The following RANBP2 variants were observed in gnomAD, a reference collection of about 807,000 sequenced individuals.
RANBP2 encodes the protein RAN binding protein 2.
A neutral mutation model predicts 303.6 loss-of-function variants in RANBP2; 57 were observed. The observed-to-expected ratio is 0.19, with a 90% CI of 0.15 to 0.23. The LOEUF is 0.23. Ranked by LOEUF, RANBP2 falls within the 10% of genes least tolerant of loss-of-function variation. The probability of loss-of-function intolerance (pLI) is 1.00; values close to 1 mark genes in which losing one functional copy is unlikely to be tolerated. For missense variants in RANBP2, 3,138 were observed against 3,780.8 expected, an observed-to-expected ratio of 0.83 and a Z score of 4.46; for synonymous variants, 1,167 against 1,301.5, an observed-to-expected ratio of 0.90 and a Z score of 2.23.
chr2:109,088,893 C>T, the RANBP2 span, among the ~76,000 whole-genome samples: 1 of 152,044 alleles, frequency 6.6e-6, no homozygotes, highest in Admixed American at 6.6e-5. Flanking sequence ...TGCCAGGTTC[C>T]AAGAGGATAT....
the RANBP2 span, among the ~76,000 whole-genome samples, chr2:109,157,377 G>A: frequency 4.9e-4 from 75 of 152,216 alleles, no homozygotes; most frequent in African/African-American, 1.6e-3. Context: ...AGACTCCCAC[G>A]TGCCATCCAT....
the RANBP2 span, among the ~76,000 whole-genome samples, chr2:109,115,176 G>A: frequency 2.6e-5 from 4 of 152,234 alleles, no homozygotes; most frequent in South Asian, 4.1e-4. Context: ...TTCAATTCCC[G>A]GGTATCCTTG....
the RANBP2 span, chr2:109,347,887 G>A: frequency 6.2e-7 from 1 of 1,612,508 alleles, no homozygotes; most frequent in South Asian, 1.1e-5. Flanking sequence ...CCAGGGAAAA[G>A]CACTTTATGA....
chr2:108,939,270 T>C, the RANBP2 span, among the ~76,000 whole-genome samples: 1 of 152,120 alleles, frequency 6.6e-6, no homozygotes, highest in African/African-American at 2.4e-5. Flanking sequence ...CTCCGCAACC[T>C]CCGCCTCCCA....
At chr2:109,219,534 C>T in the RANBP2 span, among the ~76,000 whole-genome samples, 12 of 152,040 alleles carry the variant, frequency 7.9e-5, no homozygotes, top group Middle Eastern at 3.4e-3. Flanking sequence ...GCAGATGATA[C>T]GATCTTATGC....
the RANBP2 span, among the ~76,000 whole-genome samples, chr2:108,908,426 A>G: frequency 6.6e-6 from 1 of 152,188 alleles, no homozygotes; most frequent in African/African-American, 2.4e-5. Context: ...ATGTTAAGCA[A>G]ACAGATTGAT....
chr2:109,369,942 G>C, the RANBP2 span, among the ~76,000 whole-genome samples: 1 of 152,336 alleles, frequency 6.6e-6, no homozygotes, highest in Admixed American at 6.5e-5. Context: ...GGCGGGTGGT[G>C]CACTCAGCTC....
chr2:109,301,261 T>C, the RANBP2 span, among the ~76,000 whole-genome samples: 1 of 151,464 alleles, frequency 6.6e-6, no homozygotes, highest in East Asian at 2.0e-4. Context: ...CTTTCTCCCG[T>C]GTGGCCACAC....
the RANBP2 span, chr2:108,923,353 G>A: frequency 6.2e-7 from 1 of 1,612,882 alleles, no homozygotes; most frequent in Non-Finnish European, 8.5e-7. Flanking sequence ...CTGGTGGAAG[G>A]ACAAAGACAC....
chr2:109,638,034 G>A, the RANBP2 span, among the ~76,000 whole-genome samples: 4 of 152,194 alleles, frequency 2.6e-5, no homozygotes, highest in African/African-American at 7.2e-5. Flanking sequence ...CTGTGATTGT[G>A]TAAGAGGATG....
At chr2:109,043,404 G>C in the RANBP2 span, among the ~76,000 whole-genome samples, 6 of 151,806 alleles carry the variant, frequency 4.0e-5, no homozygotes, top group African/African-American at 1.5e-4. Flanking sequence ...GTGCAGTGGC[G>C]CCATCTCAGC....
the RANBP2 span, among the ~76,000 whole-genome samples, chr2:109,257,237 A>G: frequency 2.6e-5 from 4 of 152,124 alleles, no homozygotes; most frequent in African/African-American, 4.8e-5. Flanking sequence ...AGGCAGCATC[A>G]AGTCATGTTG....
the RANBP2 span, among the ~76,000 whole-genome samples, chr2:109,666,736 A>G: frequency 6.6e-6 from 1 of 152,214 alleles, no homozygotes; most frequent in Non-Finnish European, 1.5e-5. Flanking sequence ...TTGACAGTCA[A>G]GATGAAAAGC....
At chr2:108,771,906 C>T in intron 21 of RANBP2, 35 bp downstream of exon 21, 1 of 1,612,700 alleles carries the variant, frequency 6.2e-7, no homozygotes, top group Non-Finnish European at 8.5e-7. Context: ...TCCTCTGTTC[C>T]CGCTAATCTT....
At chr2:108,914,128 C>T in the RANBP2 span, among the ~76,000 whole-genome samples, 4 of 151,550 alleles carry the variant, frequency 2.6e-5, no homozygotes, top group Admixed American at 6.6e-5. Context: ...GGCATGATGG[C>T]GCATGCCTGT....
the RANBP2 span, among the ~76,000 whole-genome samples, chr2:109,288,640 A>C: frequency 6.6e-6 from 1 of 152,192 alleles, no homozygotes; most frequent in East Asian, 1.9e-4. Context: ...ATTGTCACCC[A>C]AGGAGACTGA....
the RANBP2 span, among the ~76,000 whole-genome samples, chr2:109,066,259 C>T: frequency 2.0e-4 from 30 of 152,234 alleles, no homozygotes; most frequent in Non-Finnish European, 3.7e-4. Context: ...CAGGTGTTTG[C>T]CACCACACCT....
the RANBP2 span, among the ~76,000 whole-genome samples, chr2:108,887,903 C>T: frequency 6.6e-6 from 1 of 152,104 alleles, no homozygotes; most frequent in African/African-American, 2.4e-5. Context: ...TCCAGTACTA[C>T]ATTGAATAGC....
chr2:108,813,313 G>A, the RANBP2 span, among the ~76,000 whole-genome samples: 7 of 147,928 alleles, frequency 4.7e-5, no homozygotes, highest in African/African-American at 7.4e-5. Flanking sequence ...TTTCTCTTGT[G>A]CTTTAATCTT....
Sources: gnomAD v4.1 joint callset for allele counts (sites outside exome capture counted in the v4.1 genomes callset) on GRCh38, gnomAD v4.1.1 for gene constraint, MANE v1.5 for transcripts, NCBI Gene and HGNC (gene_info 2026-07-23, HGNC 2026-07-21) for gene names.